Variants in EP300 observed in about 807,000 individuals in gnomAD.
The protein encoded by EP300 is histone acetyltransferase p300.
In EP300, 31 loss-of-function variants were observed where a neutral mutation model predicts 264.0. The observed-to-expected ratio is 0.12, with a 90% CI of 0.09 to 0.16. The LOEUF (loss-of-function observed/expected upper bound fraction) is 0.16. EP300 is among the 10% of genes least tolerant of loss of function. The probability of loss-of-function intolerance (pLI) is 1.00; values close to 1 mark genes in which losing one functional copy is unlikely to be tolerated. For synonymous variants in EP300, 1,340 were observed against 1,045.4 expected (o/e 1.28, Z -5.44); for missense variants, 2,766 against 3,052.9 (o/e 0.91, Z 2.21).
rs1489714606 is a variant in EP300 at position 41,167,582 on chromosome 22, GTGTATATATA to G, written c.3875-865_3875-856del. On this transcript the variant is annotated intron_variant, in intron 23 of 30. Transcript: ENST00000263253. Reference sequence around the variant, plus strand: ...TATTTGTGTGTGTGTGTGTGTGTGTGTGTATATATATATATATATATATATATATATATAT... The same window carrying G: ...TATTTGTGTGTGTGTGTGTGTGTGTGTATATATATATATATATATATATAT... 3.6e-3 allele frequency among the ~76,000 whole-genome samples: 77 copies of G among 21,628 alleles called. 1 individual carries two copies. The highest frequency in any genetic ancestry group is 0.011 in the African/African-American group (59 of 5,544). The allele number at this position is 21,628 out of a possible 152,430, so 14.2% of individuals were successfully genotyped here.
chr22:41,140,698 C>T (rs1350572841), intron 9 of EP300, among the ~76,000 whole-genome samples: 2 of 152,046 alleles, frequency 1.3e-5, no homozygotes, highest in African/African-American at 4.8e-5. Flanking sequence ...GCTCAAAAGG[C>T]TGAGGTGGGG....
At chr22:41,176,643 T>A in intron 30 of EP300, 115 bp downstream of exon 30, 1 of 1,608,298 alleles carries the variant, frequency 6.2e-7, no homozygotes. Context: ...GCCTCGTGTT[T>A]GAGGGGCAGA....
rs762902200 is a variant in EP300, at chr22:41,178,630, G to A, written c.6919G>A (p.Val2307Met). ...QQIPNSLSNQVRSPQPVPSPR... is the reference protein window; with the variant it reads ...QQIPNSLSNQMRSPQPVPSPR... ...GATCCCTAATTCTCTCTCCAATCAA[G>A]TGCGCTCTCCCCAGCCTGTCCCTTC... is the stretch of plus-strand genomic sequence containing the variant. The change falls in exon 31 of 31, where the codon GTG becomes ATG. Residue 2307 changes from valine to methionine, a missense_variant. Coordinates refer to ENST00000263253, the MANE Select transcript of EP300 (RefSeq NM_001429.4). 3 of 1,613,880 alleles carry A rather than the reference G, an allele frequency of 1.9e-6. No individual in the cohort carries two copies. The highest frequency in any genetic ancestry group is 2.5e-6 in the Non-Finnish European group (3 of 1,180,000).
intron 22 of EP300, among the ~76,000 whole-genome samples, chr22:41,165,770 A>G (rs1411022959): frequency 2.0e-5 from 3 of 151,136 alleles, no homozygotes; most frequent in Non-Finnish European, 4.4e-5. Context: ...GTATTTTGTT[A>G]TAAGTCATAG....
intron 10 of EP300, among the ~76,000 whole-genome samples, chr22:41,141,729 T>C (rs935337128): frequency 1.3e-5 from 2 of 151,154 alleles, no homozygotes; most frequent in Admixed American, 1.3e-4. Context: ...CAGGCTGGAG[T>C]ACGGTGGCAT....
Position 41,154,001 on chromosome 22 carries a change from A to G in EP300, c.3143-994A>G, listed in dbSNP as rs753530080. Reference sequence around the variant, plus strand: ...AGCTTTTTAAATCACTGGCTTCTCAAAGAACTGTTTGATTCCATTTGGGAC... The same window carrying G: ...AGCTTTTTAAATCACTGGCTTCTCAGAGAACTGTTTGATTCCATTTGGGAC... On this transcript the variant is annotated intron_variant, in intron 16 of 30. Transcript: ENST00000263253. 5.9e-5 allele frequency among the ~76,000 whole-genome samples: 9 copies of G among 152,204 alleles called. No individual in the cohort carries two copies. In the East Asian group the frequency reaches 1.2e-3, roughly 20 times the overall value.
At chr22:41,163,773 C>A (rs2059120436) in intron 21 of EP300, among the ~76,000 whole-genome samples, 1 of 151,770 alleles carries the variant, frequency 6.6e-6, no homozygotes, top group African/African-American at 2.4e-5. Context: ...AACAGCCAGG[C>A]ATGATAGTAT....
chr22:41,099,516 G>C (rs2058719742), intron 1 of EP300, among the ~76,000 whole-genome samples: 1 of 152,132 alleles, frequency 6.6e-6, no homozygotes, highest in African/African-American at 2.4e-5. Context: ...CTAATCACTT[G>C]TCATGCACTG....
chr22:41,162,893 A>G (rs941485090), intron 21 of EP300, 114 bp downstream of exon 21: 13 of 847,444 alleles, frequency 1.5e-5, no homozygotes, highest in South Asian at 8.2e-5. Flanking sequence ...CTAAATCTAC[A>G]TAACATACAT....
intron 1 of EP300, among the ~76,000 whole-genome samples, chr22:41,111,956 C>T (rs1393626051): frequency 7.3e-6 from 1 of 136,404 alleles, no homozygotes. Context: ...GGCGCGATGT[C>T]CACTCACTGC....
intron 22 of EP300, among the ~76,000 whole-genome samples, chr22:41,164,413 C>G (rs900045742): frequency 6.6e-6 from 1 of 152,038 alleles, no homozygotes; most frequent in Non-Finnish European, 1.5e-5. Flanking sequence ...TATTACACAT[C>G]AAAAGTAAAT....
In EP300 at chr22:41,102,145, C is replaced by T. The variant is rs149377392; in HGVS notation, c.94+9047C>T. ...TGGCGTAGAAGAGTTGACAAGATGG[C>T]AGTTATTCTGTATTAGGCCAACATT... On this transcript the variant is annotated intron_variant, in intron 1 of 30. Transcript: ENST00000263253. Among the ~76,000 whole-genome samples the T allele has an allele frequency of 1.2e-3, 177 of 150,948 alleles. 1 individual carries two copies. The highest frequency in any genetic ancestry group is 4.1e-3 in the African/African-American group (167 of 41,134).
rs189175557 is a variant in EP300 at position 41,167,924 on chromosome 22, C to A, written c.3875-525C>A. Among the ~76,000 whole-genome samples, 7 of 134,982 alleles carry A rather than the reference C, an allele frequency of 5.2e-5. No homozygotes were observed. The East Asian group carries it at 1.7e-3, about 33-fold the overall frequency. 88.6% of individuals were successfully genotyped at this position (134,982 alleles called of 152,430 possible). Reference sequence around the variant, plus strand: ...GCAGCCTCTGCCTCCCGGGTTCAAGCGATTCTCGTGCCTCAGCCTCCCAAG... The same window carrying A: ...GCAGCCTCTGCCTCCCGGGTTCAAGAGATTCTCGTGCCTCAGCCTCCCAAG... On this transcript the variant is annotated intron_variant, in intron 23 of 30. Transcript: ENST00000263253.
chr22:41,157,237 G>T lies in EP300; in HGVS notation c.3330G>T (p.Gln1110His), dbSNP rs374163115. The change falls in exon 18 of 31, where the codon CAG (glutamine) becomes CAT (histidine). Residue 1110 changes from glutamine (Q) to histidine (H), a missense_variant. By Grantham distance (24) the Gln-to-His change is conservative. Transcript: ENST00000263253. Reference protein sequence around the residue: ...STIKRKLDTGQYQEPWQYVDD... With the variant: ...STIKRKLDTGHYQEPWQYVDD... Reference sequence around the variant, plus strand: ...TTAAGAGGAAGTTAGACACTGGACAGTATCAGGAGCCCTGGCAGTATGTCG... The same window carrying T: ...TTAAGAGGAAGTTAGACACTGGACATTATCAGGAGCCCTGGCAGTATGTCG... 2 of 1,614,054 alleles carry T rather than the reference G, an allele frequency of 1.2e-6. No individual in the cohort carries two copies. Among genetic ancestry groups the T allele is most frequent in the African/African-American group, 2.7e-5 (2 of 74,940 alleles).
intron 4 of EP300, among the ~76,000 whole-genome samples, chr22:41,129,319 CTA>C (rs896851802): frequency 3.9e-5 from 6 of 152,254 alleles, no homozygotes; most frequent in African/African-American, 1.4e-4. Context: ...CCAAAACACA[CTA>C]TCGTTTTTGT....
At chr22:41,143,205 C>G (rs981864958) in intron 10 of EP300, among the ~76,000 whole-genome samples, 1 of 152,292 alleles carries the variant, frequency 6.6e-6, no homozygotes, top group African/African-American at 2.4e-5. Flanking sequence ...GTAATCCCAG[C>G]TCTTTGGGAG....
Position 41,092,944 on chromosome 22 carries a change from C to G in EP300, c.-61C>G. The G allele has an allele frequency of 6.3e-7, 1 of 1,597,144 alleles. No homozygotes were observed. Among genetic ancestry groups the G allele is most frequent in the Admixed American group, 1.7e-5 (1 of 60,002 alleles). ...TGGGTGCGGCGCGGGGACCCCGGGCCGAAGAAGAGATTTCCTGAGGATTCT... is the reference window on the plus strand; with the variant it reads ...TGGGTGCGGCGCGGGGACCCCGGGCGGAAGAAGAGATTTCCTGAGGATTCT... On this transcript the variant is annotated 5_prime_UTR_variant, in exon 1 of 31. Transcript: ENST00000263253.
At chr22:41,160,419 C>CAAAAAAAAAA in intron 19 of EP300, 1 of 377,080 alleles carries the variant, frequency 2.7e-6, no homozygotes, top group Non-Finnish European at 4.8e-6. Context: ...GCTTTGATTG[C>CAAAAAAAAAA]AAAAAAAAAA....
chr22:41,145,458 G>A (rs1028964574), intron 10 of EP300, among the ~76,000 whole-genome samples: 2 of 152,188 alleles, frequency 1.3e-5, no homozygotes, highest in Non-Finnish European at 2.9e-5. Context: ...AGGCTTGAAT[G>A]TACAGCCCTT....
Sources: allele counts gnomAD v4.1 joint callset (sites outside exome capture counted in the v4.1 genomes callset), GRCh38; gene constraint gnomAD v4.1.1; transcripts MANE v1.5; gene names NCBI Gene and HGNC (gene_info 2026-07-23, HGNC 2026-07-21).